Variants in RBFOX1 observed in about 807,000 individuals in gnomAD.
RBFOX1 encodes the protein RNA binding protein fox-1 homolog 1.
A neutral mutation model predicts 57.7 loss-of-function variants in RBFOX1; 8 were observed. The ratio of observed to expected loss-of-function variants is 0.14; its 90% confidence interval spans 0.08 to 0.25. RBFOX1 has a LOEUF of 0.25. RBFOX1 is among the 10% of genes least tolerant of loss of function. The probability of loss-of-function intolerance (pLI) is 1.00; values close to 1 mark genes in which losing one functional copy is unlikely to be tolerated. For missense variants in RBFOX1, 611 were observed against 548.5 expected, an observed-to-expected ratio of 1.11 and a Z score of -1.14; for synonymous variants, 326 against 222.4, an observed-to-expected ratio of 1.47 and a Z score of -4.15.
chr16:6,705,287 C>T (rs979252369), intron 3 of RBFOX1: 1 of 151,642 alleles, frequency 6.6e-6, no homozygotes, highest in African/African-American at 2.4e-5. Context: ...AAAGGTTTCT[C>T]ACTGTTTGAG....
intron 4 of RBFOX1, among the ~76,000 whole-genome samples, chr16:7,429,785 C>T (rs569566484): frequency 2.0e-5 from 3 of 152,292 alleles, no homozygotes; most frequent in South Asian, 4.1e-4. Flanking sequence ...CTTCCATAGA[C>T]CCTATTATTT....
chr16:6,879,466 A>G (rs1239912122), intron 3 of RBFOX1, among the ~76,000 whole-genome samples: 3 of 152,056 alleles, frequency 2.0e-5, no homozygotes, highest in Non-Finnish European at 4.4e-5. Context: ...TGTGTGTATC[A>G]TTGATTGATG....
chr16:6,491,153 G>C (rs1422014043), intron 2 of RBFOX1, among the ~76,000 whole-genome samples: 8 of 151,720 alleles, frequency 5.3e-5, no homozygotes, highest in Non-Finnish European at 1.0e-4. Context: ...CTTATGTATA[G>C]ACTAGAAGCT....
At chr16:7,527,132 A>G (rs2078892108) in intron 5 of RBFOX1, among the ~76,000 whole-genome samples, 1 of 152,204 alleles carries the variant, frequency 6.6e-6, no homozygotes, top group Non-Finnish European at 1.5e-5. Flanking sequence ...TTCGGATGAC[A>G]GTGTGACTGA....
intron 2 of RBFOX1, among the ~76,000 whole-genome samples, chr16:6,539,806 GACACACACACACACACACACAC>G (rs35407844): frequency 7.3e-6 from 1 of 136,234 alleles, no homozygotes; most frequent in Non-Finnish European, 1.6e-5. Flanking sequence ...TCAAAACACA[GACACACACACACACACACACAC>G]ACACACACAG....
At chr16:6,848,351 G>C (rs2093878215) in intron 3 of RBFOX1, among the ~76,000 whole-genome samples, 1 of 152,116 alleles carries the variant, frequency 6.6e-6, no homozygotes, top group African/African-American at 2.4e-5. Flanking sequence ...CATTTTTTAT[G>C]AGTGAAATTT....
chr16:7,599,060 C>G (rs901856993), intron 9 of RBFOX1, among the ~76,000 whole-genome samples: 1 of 152,210 alleles, frequency 6.6e-6, no homozygotes, highest in African/African-American at 2.4e-5. Flanking sequence ...ATTACCTATT[C>G]TGCTATTTTT....
chr16:6,168,081 A>G (rs1161968910), intron 1 of RBFOX1, among the ~76,000 whole-genome samples: 3 of 152,190 alleles, frequency 2.0e-5, no homozygotes, highest in African/African-American at 7.2e-5. Context: ...CATATCTATT[A>G]AAGCTAGTCT....
chr16:5,688,181 G>C (rs1416055471), intron 3 of RBFOX1, among the ~76,000 whole-genome samples: 1 of 152,316 alleles, frequency 6.6e-6, no homozygotes, highest in South Asian at 2.1e-4. Flanking sequence ...AGCTTGGAAG[G>C]CTAAATTTAG....
intron 3 of RBFOX1, among the ~76,000 whole-genome samples, chr16:7,012,806 A>C (rs984419461): frequency 6.6e-6 from 1 of 152,158 alleles, no homozygotes; most frequent in African/African-American, 2.4e-5. Flanking sequence ...CTGATATCTT[A>C]GTGTGTTCAG....
Position 7,336,997 on chromosome 16 carries a change from G to C in RBFOX1, c.28-181150G>C, listed in dbSNP as rs1001558356. Among the ~76,000 whole-genome samples the C allele has an allele frequency of 2.7e-4, 41 of 152,120 alleles. 1 individual carries two copies. The highest frequency in any genetic ancestry group is 8.2e-4 in the African/African-American group (34 of 41,422). On this transcript the variant is annotated intron_variant, in intron 4 of 15. Transcript: ENST00000550418. ...CCCTGCTGAGGGCTTTACATAATCA[G>C]CATTTCCACTGAAATAACTTTCTGA... is the stretch of plus-strand genomic sequence containing the variant.
At position 6,632,089 on chromosome 16, in the gene RBFOX1, G is replaced by C. The variant is rs373146415; in HGVS notation, c.-63-22514G>C. ...AAGGATGTGCTGGAAGGAGGTGCTGGGTTTGGTTTCTGAGTCTGTCCCTTG... is the reference window on the plus strand; with the variant it reads ...AAGGATGTGCTGGAAGGAGGTGCTGCGTTTGGTTTCTGAGTCTGTCCCTTG... On this transcript the variant is annotated intron_variant, in intron 2 of 15. Transcript: ENST00000550418. 6.7e-4 allele frequency among the ~76,000 whole-genome samples: 102 copies of C among 152,246 alleles called. 3 individuals carry two copies. The South Asian group carries it at 0.019, about 29-fold the overall frequency.
rs74005149 is a variant in RBFOX1 at position 6,134,243 on chromosome 16, C to T, written c.-127+114251C>T. Among the ~76,000 whole-genome samples the T allele has an allele frequency of 1.4e-3, 219 of 152,230 alleles. 1 individual carries two copies. Among genetic ancestry groups the T allele is most frequent in the African/African-American group, 3.4e-3 (141 of 41,544 alleles). On this transcript the variant is annotated intron_variant, in intron 1 of 15. Coordinates refer to ENST00000550418, the MANE Select transcript of RBFOX1 (RefSeq NM_018723.4). ...TGAGCCACCACACCCAGCCTAATTT[C>T]TTTCTTATAGTATTCAGCACCCCTT...
chr16:5,677,777 T>C (rs2050211073), intron 3 of RBFOX1, among the ~76,000 whole-genome samples: 1 of 152,100 alleles, frequency 6.6e-6, no homozygotes, highest in African/African-American at 2.4e-5. Flanking sequence ...ATGGAGGAAA[T>C]TGCATGTGGA....
chr16:7,018,230 T>A (rs574484428), intron 3 of RBFOX1, among the ~76,000 whole-genome samples: 3 of 152,152 alleles, frequency 2.0e-5, no homozygotes, highest in Non-Finnish European at 4.4e-5. Context: ...GGGCATTCTC[T>A]ACTGGCTTGC....
intron 1 of RBFOX1, among the ~76,000 whole-genome samples, chr16:5,448,125 G>A (rs1446754734): frequency 6.6e-6 from 1 of 152,162 alleles, no homozygotes; most frequent in African/African-American, 2.4e-5. Context: ...CTTAAATTGA[G>A]GGGTCATCTG....
intron 4 of RBFOX1, among the ~76,000 whole-genome samples, chr16:7,269,793 C>T (rs776529538): frequency 2.0e-5 from 3 of 152,126 alleles, no homozygotes; most frequent in African/African-American, 2.4e-5. Flanking sequence ...GTGTCAGGGT[C>T]GGAAGATATG....
rs1390969477 is a variant in RBFOX1, at chr16:6,483,281, T to C, written c.-64+166224T>C. On this transcript the variant is annotated intron_variant, in intron 2 of 15. Transcript: ENST00000550418. Reference sequence around the variant, plus strand: ...GCGCGCCCGGGTGTTGATTGCCTCCTTGCACGGGCTGCTCGCTCTCGCGCC... The same window carrying C: ...GCGCGCCCGGGTGTTGATTGCCTCCCTGCACGGGCTGCTCGCTCTCGCGCC... 6.7e-5 allele frequency: 91 copies of C among 1,362,374 alleles called. No homozygotes were observed. In the East Asian group the frequency reaches 2.5e-3, roughly 38 times the overall value. The allele number at this position is 1,362,374 out of a possible 1,614,324, so 84.4% of individuals were successfully genotyped here. A position where few individuals can be genotyped will look rare whatever the true frequency, so the allele number is the denominator to read the frequency against.
intron 3 of RBFOX1, among the ~76,000 whole-genome samples, chr16:6,703,424 A>C (rs1423337430): frequency 6.6e-6 from 1 of 152,098 alleles, no homozygotes; most frequent in Non-Finnish European, 1.5e-5. Flanking sequence ...AAATATAAAA[A>C]ATATTAGCCA....
Sources: gnomAD v4.1 joint callset for allele counts (sites outside exome capture counted in the v4.1 genomes callset) on GRCh38, gnomAD v4.1.1 for gene constraint, MANE v1.5 for transcripts, NCBI Gene and HGNC (gene_info 2026-07-23, HGNC 2026-07-21) for gene names.